MKKS: variants seen among roughly 807,000 people sequenced by gnomAD.
MKKS encodes molecular chaperone MKKS.
Under a neutral mutation model 33.2 loss-of-function variants are expected in MKKS, and 29 were observed. The observed-to-expected ratio is 0.87, with a 90% CI of 0.65 to 1.19. The LOEUF (loss-of-function observed/expected upper bound fraction) is 1.19. MKKS is among the 50% of genes most tolerant of loss of function. The pLI is 0.00. For missense variants in MKKS, 661 were observed against 662.3 expected, an observed-to-expected ratio of 1.00 and a Z score of 0.02; for synonymous variants, 260 against 244.0, an observed-to-expected ratio of 1.07 and a Z score of -0.61.
At chr20:10,406,629 C>G (rs1488230000) in intron 5 of MKKS, among the ~76,000 whole-genome samples, 1 of 152,198 alleles carries the variant, frequency 6.6e-6, no homozygotes, top group Non-Finnish European at 1.5e-5. Flanking sequence ...TGTTAAGCAA[C>G]ATGTCTGTAT....
At chr20:10,412,392 C>A in intron 3 of MKKS, 138 bp downstream of exon 3, 1 of 879,094 alleles carries the variant, frequency 1.1e-6, no homozygotes, top group Non-Finnish European at 1.9e-6. Flanking sequence ...TTCCAGAAAC[C>A]TTTGCTGCCA....
intron 1 of MKKS, among the ~76,000 whole-genome samples, chr20:10,422,661 G>A (rs540570593): frequency 6.6e-6 from 1 of 151,868 alleles, no homozygotes; most frequent in South Asian, 2.1e-4. Context: ...AATACTTAAG[G>A]TGACTTTGGC....
At chr20:10,415,221 CGTTA>C (rs2064929309) in intron 2 of MKKS, among the ~76,000 whole-genome samples, 1 of 152,024 alleles carries the variant, frequency 6.6e-6, no homozygotes, top group Admixed American at 6.6e-5. Context: ...GTATATTATT[CGTTA>C]GTATTTCCAG....
chr20:10,428,472 G>C (rs1285304360), intron 1 of MKKS, among the ~76,000 whole-genome samples: 1 of 152,196 alleles, frequency 6.6e-6, no homozygotes, highest in Non-Finnish European at 1.5e-5. Context: ...CTATTGGCCA[G>C]AGGACATTAT....
chr20:10,406,953 T>C (rs1436845433), intron 5 of MKKS, among the ~76,000 whole-genome samples: 1 of 152,162 alleles, frequency 6.6e-6, no homozygotes, highest in Non-Finnish European at 1.5e-5. Context: ...TATACCTTTT[T>C]CTATCCATTT....
intron 1 of MKKS, among the ~76,000 whole-genome samples, chr20:10,432,273 C>A (rs183043808): frequency 1.7e-3 from 261 of 152,326 alleles, no homozygotes; most frequent in African/African-American, 5.9e-3. Context: ...TTTTCTATTG[C>A]CCAATCCTGC....
chr20:10,413,958 A>G (rs978248043), intron 2 of MKKS, 27 bp from the exon 3 acceptor site: 2 of 404,434 alleles, frequency 4.9e-6, no homozygotes, highest in African/African-American at 4.1e-5. Context: ...AAAACATTTT[A>G]GAGAAATACT....
rs866755816 is a variant in MKKS, at chr20:10,420,695, C to A, written c.-585G>T. 2.0e-5 allele frequency: 3 copies of A among 152,126 alleles called. No individual in the cohort carries two copies. The highest frequency in any genetic ancestry group is 2.9e-5 in the Non-Finnish European group (2 of 67,994). 9.4% of individuals were successfully genotyped at this position (152,126 alleles called of 1,614,324 possible). A position where few individuals can be genotyped will look rare whatever the true frequency, so the allele number is the denominator to read the frequency against. On this transcript the variant is annotated 5_prime_UTR_variant, in exon 2 of 6. Coordinates refer to ENST00000347364, the MANE Select transcript of MKKS (RefSeq NM_170784.3). ...ATGAGCCCAACTAAAGGGACCATAACAACCAAAACTTTGTAGTCTCTCCAC... is the reference window on the plus strand; with the variant it reads ...ATGAGCCCAACTAAAGGGACCATAAAAACCAAAACTTTGTAGTCTCTCCAC...
At chr20:10,412,467 A>C in intron 3 of MKKS, 63 bp downstream of exon 3, 2 of 1,554,508 alleles carry the variant, frequency 1.3e-6, no homozygotes, top group Non-Finnish European at 1.8e-6. Context: ...AACCAAAAAT[A>C]TCTCTGCTCA....
chr20:10,412,555 C>G lies in MKKS; in HGVS notation c.960G>C (p.Leu320=). Residue 320 remains leucine (L), a synonymous_variant, in exon 3 of 6, where the codon CTG becomes CTC. Coordinates refer to ENST00000347364, the MANE Select transcript of MKKS (RefSeq NM_170784.3). ...CTGTCATTTTAGTCAGGGGTTCCAT[C>G]AGAGTCACTCCAATTCTGTCTATGG... is the stretch of plus-strand genomic sequence containing the variant. ...IIAIDRIGVT[L]MEPLTKMTGT... The G allele has an allele frequency of 1.2e-6, 2 of 1,613,996 alleles. No homozygotes were observed. The highest frequency in any genetic ancestry group is 1.7e-6 in the Non-Finnish European group (2 of 1,179,994).
rs74923780 is a variant in MKKS at position 10,412,090 on chromosome 20, A to G, written c.985+440T>C. 6.0e-3 allele frequency among the ~76,000 whole-genome samples: 917 copies of G among 152,314 alleles called. 10 individuals are homozygous for G. The highest frequency in any genetic ancestry group is 0.021 in the African/African-American group (861 of 41,568). On this transcript the variant is annotated intron_variant, in intron 3 of 5. Transcript: ENST00000347364. ...GTACATCCCCCTCCCATTAGAAACA[A>G]CTACTTAAGGAGAAGTACAGAAGTT...
At chr20:10,415,647 C>A (rs1054177685) in intron 2 of MKKS, among the ~76,000 whole-genome samples, 1 of 152,150 alleles carries the variant, frequency 6.6e-6, no homozygotes, top group Non-Finnish European at 1.5e-5. Context: ...TAAATGAAAC[C>A]TCACAAAGTG....
chr20:10,419,094 A>C (rs1308399572), intron 2 of MKKS, among the ~76,000 whole-genome samples: 5 of 152,176 alleles, frequency 3.3e-5, no homozygotes, highest in Non-Finnish European at 7.4e-5. Flanking sequence ...TAATTATACC[A>C]AAAGTCAAAA....
chr20:10,422,718 T>A, intron 1 of MKKS, among the ~76,000 whole-genome samples: 1 of 151,792 alleles, frequency 6.6e-6, no homozygotes, highest in Non-Finnish European at 1.5e-5. Flanking sequence ...ATTATCTTTT[T>A]TTTTTTTTTG....
intron 1 of MKKS, among the ~76,000 whole-genome samples, chr20:10,422,294 C>G (rs1374890047): frequency 6.6e-6 from 1 of 151,942 alleles, no homozygotes; most frequent in Admixed American, 6.5e-5. Flanking sequence ...TGGCCTTTTC[C>G]TTTTCTAACG....
At chr20:10,407,866 T>G in intron 4 of MKKS, 140 bp from the exon 5 acceptor site, 1 of 709,928 alleles carries the variant, frequency 1.4e-6, no homozygotes, top group Non-Finnish European at 2.5e-6. Flanking sequence ...GTGCCAAGGT[T>G]GTCATGTGAT....
At chr20:10,414,370 A>G (rs1282001412) in intron 2 of MKKS, among the ~76,000 whole-genome samples, 1 of 151,760 alleles carries the variant, frequency 6.6e-6, no homozygotes, top group Non-Finnish European at 1.5e-5. Context: ...GGTTCAAGCA[A>G]TTCTCCTGCC....
At chr20:10,426,446 C>A (rs2065015257) in intron 1 of MKKS, among the ~76,000 whole-genome samples, 1 of 152,208 alleles carries the variant, frequency 6.6e-6, no homozygotes, top group South Asian at 2.1e-4. Flanking sequence ...CACTCTGTTG[C>A]CCAAGGGGGA....
intron 5 of MKKS, among the ~76,000 whole-genome samples, chr20:10,407,149 T>C (rs766559674): frequency 6.6e-6 from 1 of 152,192 alleles, no homozygotes; most frequent in Non-Finnish European, 1.5e-5. Context: ...ATTGCTTAAA[T>C]AAATGAAACT....
Sources: gnomAD v4.1 joint callset for allele counts (sites outside exome capture counted in the v4.1 genomes callset) on GRCh38, gnomAD v4.1.1 for gene constraint, MANE v1.5 for transcripts, NCBI Gene and HGNC (gene_info 2026-07-23, HGNC 2026-07-21) for gene names.